Variants in UBE3D observed in about 807,000 individuals in gnomAD.
UBE3D encodes the protein E3 ubiquitin-protein ligase E3D.
A neutral mutation model predicts 49.6 loss-of-function variants in UBE3D; 48 were observed. The ratio of observed to expected loss-of-function variants is 0.97; its 90% CI spans 0.77 to 1.23. UBE3D has a LOEUF of 1.23. Ranked by LOEUF, UBE3D falls within the 50% of genes most tolerant of loss-of-function variation. UBE3D has a pLI of 0.00. For missense variants in UBE3D, 452 were observed against 468.4 expected, an observed-to-expected ratio of 0.96 and a Z score of 0.32; for synonymous variants, 189 against 174.2, an observed-to-expected ratio of 1.08 and a Z score of -0.67.
Position 82,948,207 on chromosome 6 carries a change from A to T in UBE3D, c.1149+9105T>A, listed in dbSNP as rs550040795. Among the ~76,000 whole-genome samples the T allele has an allele frequency of 9.2e-5, 14 of 152,160 alleles. No individual in the cohort carries two copies. The East Asian group carries it at 2.5e-3, about 27-fold the overall frequency. On this transcript the variant is annotated intron_variant, in intron 9 of 9. Transcript: ENST00000369747. ...GATGAAAAAGGAGAAATTACAACTG[A>T]TACTGCAGAAACTCATAGGATCATT... is the stretch of plus-strand genomic sequence containing the variant.
At chr6:83,027,058 C>T (rs754481935) in intron 5 of UBE3D, among the ~76,000 whole-genome samples, 1 of 152,020 alleles carries the variant, frequency 6.6e-6, no homozygotes, top group Non-Finnish European at 1.5e-5. Context: ...TGAATATTCA[C>T]GATTTTATCA....
chr6:83,028,591 A>AATTTTAGAG (rs1235195479), intron 5 of UBE3D, among the ~76,000 whole-genome samples: 1 of 152,134 alleles, frequency 6.6e-6, no homozygotes, highest in East Asian at 1.9e-4. Context: ...TCTCGAAACT[A>AATTTTAGAG]AAGTTCTAAT....
At chr6:82,908,204 C>T (rs1772242417) in intron 9 of UBE3D, among the ~76,000 whole-genome samples, 1 of 152,028 alleles carries the variant, frequency 6.6e-6, no homozygotes, top group Non-Finnish European at 1.5e-5. Context: ...CTGCAAGACA[C>T]CTGAAGGGAA....
chr6:82,944,497 G>T (rs1224988560), intron 9 of UBE3D, among the ~76,000 whole-genome samples: 1 of 152,208 alleles, frequency 6.6e-6, no homozygotes, highest in Non-Finnish European at 1.5e-5. Context: ...GTGAGATTCT[G>T]AGAGTTGCTG....
chr6:82,899,927 C>T (rs796313160), intron 9 of UBE3D, among the ~76,000 whole-genome samples: 1 of 152,184 alleles, frequency 6.6e-6, no homozygotes. Context: ...TATATTGCCT[C>T]TGAAGCACAA....
chr6:83,024,141 T>C (rs1295143884), intron 5 of UBE3D, 103 bp from the exon 6 acceptor site: 1 of 554,696 alleles, frequency 1.8e-6, no homozygotes, highest in African/African-American at 2.0e-5. Flanking sequence ...ATATTAAATA[T>C]ACTGGTAAAA....
chr6:82,889,261 A>G (rs1275518182), downstream of UBE3D, among the ~76,000 whole-genome samples: 3 of 152,230 alleles, frequency 2.0e-5, no homozygotes, highest in African/African-American at 7.2e-5. Flanking sequence ...ACAAATGTAC[A>G]GGAACAGCAA....
At chr6:82,973,010 T>C (rs1210603921) in intron 8 of UBE3D, among the ~76,000 whole-genome samples, 2 of 152,208 alleles carry the variant, frequency 1.3e-5, no homozygotes. Flanking sequence ...ACTAATGTTC[T>C]GAAATCTGTT....
chr6:82,893,465 T>G (rs1771084756), intron 9 of UBE3D, among the ~76,000 whole-genome samples: 1 of 152,186 alleles, frequency 6.6e-6, no homozygotes, highest in Non-Finnish European at 1.5e-5. Flanking sequence ...TACTTTCACT[T>G]ATATTGGTTG....
chr6:83,041,460 TATC>T (rs1269198570), intron 4 of UBE3D, among the ~76,000 whole-genome samples: 1 of 152,210 alleles, frequency 6.6e-6, no homozygotes, highest in African/African-American at 2.4e-5. Flanking sequence ...CCTGGTAGTA[TATC>T]ATCAAGGAAT....
chr6:82,986,877 AATTAT>A (rs1778554644), intron 8 of UBE3D, among the ~76,000 whole-genome samples: 1 of 148,972 alleles, frequency 6.7e-6, no homozygotes, highest in African/African-American at 2.5e-5. Flanking sequence ...ATAATAAATT[AATTAT>A]ATTATACATA....
intron 9 of UBE3D, among the ~76,000 whole-genome samples, chr6:82,941,941 A>G (rs556586068): frequency 7.9e-5 from 12 of 152,292 alleles, no homozygotes; most frequent in Non-Finnish European, 7.3e-5. Context: ...GAAAGGACTA[A>G]TATAGTAAAC....
chr6:83,019,278 T>C lies in UBE3D; in HGVS notation c.847-142A>G, dbSNP rs1780918745. On this transcript the variant is annotated intron_variant, in intron 7 of 9. Coordinates refer to ENST00000369747, the MANE Select transcript of UBE3D (RefSeq NM_198920.3). Reference sequence around the variant, plus strand: ...TCATGTACATAATTTTAAAGTTGGGTAGGCCTTTCAAAACATAACTCTCGG... The same window carrying C: ...TCATGTACATAATTTTAAAGTTGGGCAGGCCTTTCAAAACATAACTCTCGG... The C allele has an allele frequency of 5.4e-6, 4 of 747,184 alleles. No individual in the cohort carries two copies. In the South Asian group the frequency reaches 1.2e-4, roughly 23 times the overall value. The allele number at this position is 747,184 out of a possible 1,614,324, so 46.3% of individuals were successfully genotyped here.
At chr6:82,933,936 G>T (rs1774359689) in intron 9 of UBE3D, among the ~76,000 whole-genome samples, 1 of 152,024 alleles carries the variant, frequency 6.6e-6, no homozygotes, top group South Asian at 2.1e-4. Context: ...CATTTCCAAG[G>T]TATCAAATTA....
chr6:82,915,223 C>T (rs1421791036), intron 9 of UBE3D, among the ~76,000 whole-genome samples: 1 of 152,102 alleles, frequency 6.6e-6, no homozygotes, highest in Non-Finnish European at 1.5e-5. Flanking sequence ...AGCTCCATGC[C>T]TCTAAGACAC....
At chr6:83,030,682 T>G (rs1474536571) in intron 5 of UBE3D, among the ~76,000 whole-genome samples, 3 of 152,006 alleles carry the variant, frequency 2.0e-5, no homozygotes, top group Non-Finnish European at 4.4e-5. Context: ...CAGGCAGAGG[T>G]TGGAACAGTT....
intron 4 of UBE3D, among the ~76,000 whole-genome samples, chr6:83,039,628 G>GTT (rs1038743384): frequency 1.4e-5 from 2 of 147,644 alleles, no homozygotes; most frequent in Admixed American, 1.3e-4. Flanking sequence ...ACTGTGTTTT[G>GTT]TTTTTTTTTG....
intron 8 of UBE3D, among the ~76,000 whole-genome samples, chr6:82,993,789 C>T (rs1316381910): frequency 6.6e-6 from 1 of 152,204 alleles, no homozygotes; most frequent in East Asian, 1.9e-4. Context: ...TCTCTTTCTA[C>T]ATTCACTCCA....
At chr6:82,913,242 A>G (rs1012580916) in intron 9 of UBE3D, among the ~76,000 whole-genome samples, 1 of 152,220 alleles carries the variant, frequency 6.6e-6, no homozygotes, top group African/African-American at 2.4e-5. Context: ...TAAAATCCAC[A>G]AAGTTTCTAT....
Sources: gnomAD v4.1 joint callset for allele counts (sites outside exome capture counted in the v4.1 genomes callset) on GRCh38, gnomAD v4.1.1 for gene constraint, MANE v1.5 for transcripts, NCBI Gene and HGNC (gene_info 2026-07-23, HGNC 2026-07-21) for gene names.